Variants in ZDHHC7 observed in about 807,000 individuals in gnomAD.
ZDHHC7 encodes the protein zDHHC palmitoyltransferase 7, also known as palmitoyltransferase ZDHHC7.
Under a neutral mutation model 34.1 loss-of-function variants are expected in ZDHHC7, and 12 were observed. That is an observed-to-expected ratio of 0.35 (90% CI 0.23 to 0.57). The LOEUF (loss-of-function observed/expected upper bound fraction) is 0.57. Among genes scored for constraint, ZDHHC7 ranks in the 20% least tolerant of loss-of-function variants. The probability of loss-of-function intolerance (pLI) is 0.84; values close to 1 mark genes in which losing one functional copy is unlikely to be tolerated. For missense variants in ZDHHC7, 388 were observed against 402.7 expected, an observed-to-expected ratio of 0.96 and a Z score of 0.31; for synonymous variants, 185 against 155.4, an observed-to-expected ratio of 1.19 and a Z score of -1.42.
chr16:85,025,751 T>C, the ZDHHC7 span, among the ~76,000 whole-genome samples: 7 of 152,326 alleles, frequency 4.6e-5, no homozygotes, highest in Admixed American at 2.6e-4. Flanking sequence ...TCCATCACTA[T>C]AACTGAAAGA....
intron 1 of ZDHHC7, 147 bp from the exon 2 acceptor site, chr16:84,996,154 T>A (rs1451989065): frequency 6.6e-6 from 1 of 152,250 alleles, no homozygotes; most frequent in Admixed American, 6.5e-5. Flanking sequence ...TATGAAATCA[T>A]TGCTCTTCTA....
At chr16:85,008,723 G>C (rs1411545585) in intron 1 of ZDHHC7, among the ~76,000 whole-genome samples, 1 of 150,928 alleles carries the variant, frequency 6.6e-6, no homozygotes, top group African/African-American at 2.5e-5. Flanking sequence ...TGACAGTTTT[G>C]ACTTTATGTT....
chr16:85,023,484 C>G, the ZDHHC7 span, among the ~76,000 whole-genome samples: 1 of 151,888 alleles, frequency 6.6e-6, no homozygotes, highest in Non-Finnish European at 1.5e-5. Context: ...GTTTTTAAGC[C>G]AGTAAGTTTG....
intron 1 of ZDHHC7, among the ~76,000 whole-genome samples, chr16:85,008,463 G>C (rs973541623): frequency 2.0e-5 from 3 of 151,508 alleles, no homozygotes; most frequent in African/African-American, 7.3e-5. Context: ...GTACTTCCCT[G>C]GACTCCACCC....
At chr16:84,988,511 G>A (rs890750401) in intron 3 of ZDHHC7, among the ~76,000 whole-genome samples, 1 of 152,134 alleles carries the variant, frequency 6.6e-6, no homozygotes, top group Non-Finnish European at 1.5e-5. Context: ...AAAGAAATCT[G>A]CCCACCAGGG....
At chr16:85,025,660 G>A in the ZDHHC7 span, among the ~76,000 whole-genome samples, 2 of 152,088 alleles carry the variant, frequency 1.3e-5, no homozygotes, top group Non-Finnish European at 2.9e-5. Context: ...CGCCCGCCTC[G>A]ACCTCCCAAA....
intron 1 of ZDHHC7, among the ~76,000 whole-genome samples, chr16:85,010,418 G>C (rs534862287): frequency 2.6e-5 from 4 of 152,210 alleles, no homozygotes; most frequent in Non-Finnish European, 5.9e-5. Flanking sequence ...GAGATGAAGA[G>C]TTCAGAAAGA....
intron 2 of ZDHHC7, among the ~76,000 whole-genome samples, chr16:84,994,840 A>T (rs1368596818): frequency 6.6e-6 from 1 of 152,272 alleles, no homozygotes; most frequent in East Asian, 1.9e-4. Context: ...TATTTTCAAC[A>T]AAGCAACAAA....
chr16:85,014,059 C>T (rs1374321912), upstream of ZDHHC7, among the ~76,000 whole-genome samples: 1 of 152,144 alleles, frequency 6.6e-6, no homozygotes, highest in Non-Finnish European at 1.5e-5. Context: ...GTTTTCTTTT[C>T]CTCCCCTACA....
intron 7 of ZDHHC7, among the ~76,000 whole-genome samples, chr16:84,976,856 C>G (rs1030693568): frequency 6.6e-6 from 1 of 152,236 alleles, no homozygotes; most frequent in African/African-American, 2.4e-5. Flanking sequence ...AATTTACTGA[C>G]TGCACTGGGA....
At chr16:84,994,411 T>C (rs1465057106) in intron 2 of ZDHHC7, among the ~76,000 whole-genome samples, 4 of 152,222 alleles carry the variant, frequency 2.6e-5, no homozygotes, top group African/African-American at 9.6e-5. Flanking sequence ...ACTTCTCTAA[T>C]AGGACACGTT....
the ZDHHC7 span, among the ~76,000 whole-genome samples, chr16:85,018,839 C>T: frequency 1.3e-3 from 202 of 152,160 alleles, 3 homozygotes; most frequent in African/African-American, 4.6e-3. Context: ...TTGTTCCGGA[C>T]GGGTGTTTGG....
In ZDHHC7 at chr16:84,987,650, C is replaced by T. The variant is rs185281660; in HGVS notation, c.315+2654G>A. Among the ~76,000 whole-genome samples, 33 of 152,258 alleles carry T rather than the reference C, an allele frequency of 2.2e-4. No homozygotes were observed. The East Asian group carries it at 5.6e-3, about 26-fold the overall frequency. Reference sequence around the variant, plus strand: ...ATCCACACAAAAACTTACACGCGGCCGTTCAGAGCAGCATGATTTGTAACA... The same window carrying T: ...ATCCACACAAAAACTTACACGCGGCTGTTCAGAGCAGCATGATTTGTAACA... On this transcript the variant is annotated intron_variant, in intron 3 of 7. Transcript: ENST00000313732.
chr16:84,997,151 C>T (rs1243044742), intron 1 of ZDHHC7, among the ~76,000 whole-genome samples: 1 of 151,872 alleles, frequency 6.6e-6, no homozygotes, highest in Non-Finnish European at 1.5e-5. Flanking sequence ...AGGTAAAATT[C>T]ATATTCTTCA....
chr16:85,014,136 A>C (rs1035755007), upstream of ZDHHC7, among the ~76,000 whole-genome samples: 6 of 152,178 alleles, frequency 3.9e-5, no homozygotes, highest in Admixed American at 3.9e-4. Flanking sequence ...GATCCTCACC[A>C]CATAATTCTT....
Position 84,990,452 on chromosome 16 carries a change from A to G in ZDHHC7, c.167T>C (p.Leu56Pro). The G allele has an allele frequency of 6.2e-7, 1 of 1,614,164 alleles. No individual in the cohort carries two copies. ...CGMICAVMTW[L>P]LVAYADFVVT... ...CACGAAGTCTGCATAGGCGACCAGA[A>G]GCCACGTCATGACAGCACAGATCAT... The change falls in exon 3 of 8, where the codon CTT becomes CCT. Residue 56 changes from leucine (L) to proline (P), a missense_variant. Transcript: ENST00000313732.
intron 7 of ZDHHC7, 131 bp downstream of exon 7, chr16:84,976,964 T>A (rs1015861295): frequency 7.7e-7 from 1 of 1,299,136 alleles, no homozygotes; most frequent in African/African-American, 1.5e-5. Context: ...AGGGAGCTGG[T>A]TGCAGCTCAT....
intron 1 of ZDHHC7, among the ~76,000 whole-genome samples, chr16:85,001,773 T>C (rs1051654198): frequency 6.6e-6 from 1 of 152,198 alleles, no homozygotes; most frequent in Non-Finnish European, 1.5e-5. Flanking sequence ...GATGGGATCT[T>C]GCTAGTTGCC....
intron 1 of ZDHHC7, among the ~76,000 whole-genome samples, chr16:84,998,471 C>A: frequency 6.6e-6 from 1 of 152,116 alleles, no homozygotes. Flanking sequence ...CTGAGTCAAC[C>A]CCCAGCTACT....
Sources: allele counts gnomAD v4.1 joint callset (sites outside exome capture counted in the v4.1 genomes callset), GRCh38; gene constraint gnomAD v4.1.1; transcripts MANE v1.5; gene names NCBI Gene and HGNC (gene_info 2026-07-23, HGNC 2026-07-21).